SHPRH: variants seen among roughly 807,000 people sequenced by gnomAD.
The protein encoded by SHPRH is SNF2 histone linker PHD RING helicase.
In SHPRH, 106 loss-of-function variants were observed where a neutral mutation model predicts 202.5. The ratio of observed to expected loss-of-function variants is 0.52; its 90% CI spans 0.45 to 0.62. The LOEUF (loss-of-function observed/expected upper bound fraction) is 0.62, where lower values mean the gene tolerates loss of function less well. Among genes scored for constraint, SHPRH ranks in the 20% least tolerant of loss-of-function variants. The pLI, the probability that SHPRH is intolerant of heterozygous loss-of-function variation, is 0.00. For missense variants in SHPRH, 1,710 were observed against 2,020.0 expected, an observed-to-expected ratio of 0.85 and a Z score of 2.94; for synonymous variants, 729 against 686.0, an observed-to-expected ratio of 1.06 and a Z score of -0.98.
At position 145,946,242 on chromosome 6, in the gene SHPRH, G is replaced by C. The variant is rs761002903; in HGVS notation, c.1312C>G (p.Gln438Glu). Residue 438 changes from glutamine (Q) to glutamate (E), a missense_variant, in exon 7 of 30, where the codon CAA (glutamine) becomes GAA (glutamate). Transcript: ENST00000275233. ...GAGATGTCTTACTTACGAGGGCATTGAACTTTTTCTTTTGGTTCAAATTCG... is the reference window on the plus strand; with the variant it reads ...GAGATGTCTTACTTACGAGGGCATTCAACTTTTTCTTTTGGTTCAAATTCG... ...NIEFEPKEKV[Q>E]CPPTRVMILT... 8 of 1,607,542 alleles carry C rather than the reference G, an allele frequency of 5.0e-6. No individual in the cohort carries two copies. Among genetic ancestry groups the C allele is most frequent in the Non-Finnish European group, 5.9e-6 (7 of 1,176,902 alleles).
intron 1 of SHPRH, among the ~76,000 whole-genome samples, chr6:145,960,872 G>A (rs1010197654): frequency 2.0e-5 from 3 of 152,268 alleles, no homozygotes; most frequent in East Asian, 1.9e-4. Context: ...CCGGAGGAGA[G>A]GGGTGGAGTG....
At chr6:145,955,482 G>C in intron 1 of SHPRH, 128 bp from the exon 2 acceptor site, 4 of 846,784 alleles carry the variant, frequency 4.7e-6, no homozygotes, top group South Asian at 2.3e-5. Context: ...TGAGATATAA[G>C]GCAATGAGTA....
At chr6:145,931,327 A>ATT (rs1259348211) in intron 14 of SHPRH, among the ~76,000 whole-genome samples, 5 of 151,284 alleles carry the variant, frequency 3.3e-5, no homozygotes, top group African/African-American at 1.2e-4. Context: ...TTTTTTTTGA[A>ATT]GATTTTTAAT....
chr6:145,869,811 TTTC>T (rs1420854233), intron 2 of SHPRH, among the ~76,000 whole-genome samples: 2 of 133,230 alleles, frequency 1.5e-5, no homozygotes, highest in Non-Finnish European at 3.4e-5. Context: ...TACCTTGGTT[TTTC>T]TTTTCTTTTT....
At chr6:145,881,074 C>T (rs1039402784), downstream of SHPRH, among the ~76,000 whole-genome samples, 4 of 152,080 alleles carry the variant, frequency 2.6e-5, no homozygotes, top group Admixed American at 1.3e-4. Context: ...TTTTAAAGCA[C>T]GCATAAATTA....
chr6:145,922,928 T>TAA, intron 18 of SHPRH, 92 bp from the exon 19 acceptor site: 1 of 1,369,868 alleles, frequency 7.3e-7, no homozygotes, highest in Non-Finnish European at 9.6e-7. Context: ...AACAAAGTGT[T>TAA]AAAGAAACTG....
At chr6:145,924,987 G>T in intron 16 of SHPRH, 141 bp from the exon 17 acceptor site, 1 of 491,500 alleles carries the variant, frequency 2.0e-6, no homozygotes, top group Non-Finnish European at 3.3e-6. Flanking sequence ...ATACTGTAGA[G>T]AACATAAAAG....
intron 25 of SHPRH, chr6:145,907,010 T>C (rs1012160130): frequency 6.6e-6 from 1 of 152,144 alleles, no homozygotes; most frequent in African/African-American, 2.4e-5. Context: ...TTTAAAGTTA[T>C]GGACTTCATA....
chr6:145,935,316 T>C lies in SHPRH; in HGVS notation c.2695A>G (p.Ile899Val). The change falls in exon 12 of 30, where the codon ATA (isoleucine) becomes GTA (valine). Residue 899 changes from isoleucine (I) to valine (V), a missense_variant. By Grantham distance (29) the Ile-to-Val change is conservative. Coordinates refer to ENST00000275233, the MANE Select transcript of SHPRH (RefSeq NM_001042683.3). ...TCTTTCTTTGCAGACCTCCACAGTA[T>C]CTTGGCAATAAAGCTGTAGAGATGC... ...PQHLYSFIAK[I>V]LWRSAKKDVI... 1 of 1,614,102 alleles carries C rather than the reference T, an allele frequency of 6.2e-7. No individual in the cohort carries two copies. The highest frequency in any genetic ancestry group is 2.2e-5 in the East Asian group (1 of 44,858).
In SHPRH at chr6:145,893,407, G is replaced by A; in HGVS notation, c.4696-14C>T. ...TGAAAGGTTCTCCTAAAAAAGAAAG[G>A]TACATTTTAATTTTAGCTCGATCAG... On this transcript the variant is annotated splice_polypyrimidine_tract_variant and intron_variant, in intron 27 of 29. Transcript: ENST00000275233. 1.9e-6 allele frequency: 3 copies of A among 1,568,602 alleles called. No homozygotes were observed. Among genetic ancestry groups the A allele is most frequent in the Non-Finnish European group, 2.6e-6 (3 of 1,162,414 alleles).
chr6:145,925,368 A>G (rs1046853377), intron 16 of SHPRH, among the ~76,000 whole-genome samples: 2 of 151,250 alleles, frequency 1.3e-5, no homozygotes, highest in Admixed American at 6.7e-5. Context: ...ACACACACAC[A>G]CATGCATGCA....
chr6:145,858,907 C>T, the SHPRH span, among the ~76,000 whole-genome samples: 5 of 152,114 alleles, frequency 3.3e-5, no homozygotes, highest in East Asian at 9.7e-4. Context: ...TTAGATTTCA[C>T]GGCTCTTCAT....
intron 11 of SHPRH, among the ~76,000 whole-genome samples, chr6:145,936,625 G>C (rs9403756): frequency 0.63 from 96,375 of 151,982 alleles, 31,058 homozygotes; most frequent in African/African-American, 0.73. Context: ...CCATGTCCGG[G>C]TTGTAATTTT....
chr6:145,940,926 T>C, intron 10 of SHPRH, 125 bp from the exon 11 acceptor site: 1 of 835,352 alleles, frequency 1.2e-6, no homozygotes, highest in South Asian at 1.5e-5. Context: ...GTACCTACTT[T>C]TATTTAACAG....
chr6:145,909,221 T>A (rs1783259819), intron 25 of SHPRH: 1 of 152,072 alleles, frequency 6.6e-6, no homozygotes, highest in African/African-American at 2.4e-5. Flanking sequence ...TTATAACACA[T>A]TATTTATTAA....
At position 145,894,930 on chromosome 6, in the gene SHPRH, T is replaced by G. The variant is rs781145486; in HGVS notation, c.4563A>C (p.Lys1521Asn). Reference protein sequence around the residue: ...KVEAVVRTLMKIQLRDPGAKA... With the variant: ...KVEAVVRTLMNIQLRDPGAKA... ...TGGCCCCTGGATCTCTAAGCTGTAT[T>G]TTCATCAGAGTTCTGACCACAGCTT... Residue 1521 changes from lysine (K) to asparagine (N), a missense_variant, in exon 26 of 30, where the codon AAA becomes AAC. Transcript: ENST00000275233. The G allele has an allele frequency of 1.2e-6, 2 of 1,613,136 alleles. No homozygotes were observed. Among genetic ancestry groups the G allele is most frequent in the South Asian group, 2.2e-5 (2 of 91,052 alleles).
intron 23 of SHPRH, among the ~76,000 whole-genome samples, chr6:145,914,702 C>G (rs552310714): frequency 6.6e-6 from 1 of 152,130 alleles, no homozygotes; most frequent in East Asian, 1.9e-4. Flanking sequence ...TTCTAATTTC[C>G]ATTTTGACTT....
chr6:145,958,094 T>C (rs1362661875), intron 1 of SHPRH, among the ~76,000 whole-genome samples: 2 of 152,154 alleles, frequency 1.3e-5, no homozygotes, highest in Non-Finnish European at 2.9e-5. Flanking sequence ...TCCATTTACA[T>C]GAAATTCTAG....
intron 2 of SHPRH, among the ~76,000 whole-genome samples, chr6:145,865,718 A>G (rs1490852472): frequency 6.6e-6 from 1 of 152,212 alleles, no homozygotes; most frequent in Admixed American, 6.5e-5. Context: ...GGCCCGGGCA[A>G]TCTCTCCAAG....
Sources: gnomAD v4.1 joint callset for allele counts (sites outside exome capture counted in the v4.1 genomes callset) on GRCh38, gnomAD v4.1.1 for gene constraint, MANE v1.5 for transcripts, NCBI Gene and HGNC (gene_info 2026-07-23, HGNC 2026-07-21) for gene names.